The following CASP10 variants were observed in gnomAD, a reference collection of about 807,000 sequenced individuals.
The protein encoded by CASP10 is caspase-10.
A neutral mutation model predicts 48.5 loss-of-function variants in CASP10; 41 were observed. The observed-to-expected ratio is 0.85, with a 90% confidence interval of 0.66 to 1.10. The LOEUF is 1.10. Among genes scored for constraint, CASP10 ranks in the 50% least tolerant of loss-of-function variants. The pLI is 0.00. For synonymous variants in CASP10, 232 were observed against 238.4 expected (o/e 0.97, Z 0.25); for missense variants, 614 against 614.5 (o/e 1.00, Z 0.01).
chr2:201,190,651 C>A (rs1408779175), intron 3 of CASP10, among the ~76,000 whole-genome samples: 2 of 152,154 alleles, frequency 1.3e-5, no homozygotes, highest in East Asian at 3.9e-4. Context: ...TATTGTTATA[C>A]CCCGTCCTAT....
Position 201,186,048 on chromosome 2 carries a change from C to T in CASP10, c.271C>T (p.Leu91=), listed in dbSNP as rs148026756. The T allele has an allele frequency of 1.3e-5, 21 of 1,612,932 alleles. No individual in the cohort carries two copies. In the African/African-American group the frequency reaches 2.5e-4, roughly 19 times the overall value. The part of the protein sequence containing the change: ...ELLYIIRQKK[L]LQHLNCTKEE... Reference sequence around the variant, plus strand: ...CCTCTATATCATACGGCAGAAGAAGCTGCTGCAGCACCTCAACTGTACCAA... The same window carrying T: ...CCTCTATATCATACGGCAGAAGAAGTTGCTGCAGCACCTCAACTGTACCAA... The change falls in exon 2 of 10, where the codon CTG becomes TTG. Residue 91 remains leucine (L), a synonymous_variant. Transcript: ENST00000286186.
At position 201,187,942 on chromosome 2, in the gene CASP10, G is replaced by A. The variant is rs1944472480; in HGVS notation, c.441+143G>A. On this transcript the variant is annotated intron_variant, in intron 3 of 9. Transcript: ENST00000286186. ...GTTACGAACATTGGCTTTGGTGCTG[G>A]ATGAGCCTAGATTCTGGTCCTGATT... 8.5e-6 allele frequency: 6 copies of A among 707,180 alleles called. No homozygotes were observed. The Admixed American group carries it at 1.2e-4, about 15-fold the overall frequency. The allele number at this position is 707,180 out of a possible 1,614,324, so 43.8% of individuals were successfully genotyped here. A position where few individuals can be genotyped will look rare whatever the true frequency, so the allele number is the denominator to read the frequency against.
At chr2:201,204,472 T>C (rs1945133806) in intron 6 of CASP10, among the ~76,000 whole-genome samples, 1 of 152,200 alleles carries the variant, frequency 6.6e-6, no homozygotes, top group Non-Finnish European at 1.5e-5. Flanking sequence ...CAGGTCACCA[T>C]TATTAAGCAC....
In CASP10 at chr2:201,187,802, G is replaced by A. The variant is rs776272969; in HGVS notation, c.441+3G>A. ...ACTCGCTTCCCAAAACTGAAATGGT[G>A]AGTGGGTCATACAGAATGGGTCTGT... On this transcript the variant is annotated splice_donor_region_variant and intron_variant, in intron 3 of 9. Coordinates refer to ENST00000286186, the MANE Select transcript of CASP10 (RefSeq NM_032977.4). 38 of 1,607,148 alleles carry A rather than the reference G, an allele frequency of 2.4e-5. No homozygotes were observed. The highest frequency in any genetic ancestry group is 4.0e-5 in the African/African-American group (3 of 74,768).
intron 9 of CASP10, chr2:201,214,541 T>A (rs1017532819): frequency 1.3e-5 from 2 of 152,140 alleles, no homozygotes; most frequent in Admixed American, 1.3e-4. Context: ...AGTTAAAGAA[T>A]AATAGGGCAA....
chr2:201,217,554 G>GT, intron 9 of CASP10, 34 bp from the exon 10 acceptor site: 2 of 1,526,948 alleles, frequency 1.3e-6, no homozygotes, highest in Non-Finnish European at 1.8e-6. Context: ...GTGAGACTCC[G>GT]TAAAAAAAAA....
rs1380879918 is a variant in CASP10 at position 201,217,865 on chromosome 2, C to T, written c.*124C>T. 1.3e-6 allele frequency: 2 copies of T among 1,596,010 alleles called. No homozygotes were observed. Among genetic ancestry groups the T allele is most frequent in the South Asian group, 1.1e-5 (1 of 88,058 alleles). On this transcript the variant is annotated 3_prime_UTR_variant, in exon 10 of 10. Transcript: ENST00000286186. ...CTAGAAACAGGAAACACCGTGTTTT[C>T]TGACACAGTCAATTCTGATTTTCTT...
Position 201,221,435 on chromosome 2 carries a change from T to A in CASP10, c.*3694T>A. On this transcript the variant is annotated 3_prime_UTR_variant, in exon 10 of 10. Transcript: ENST00000286186. ...CCTGTTCCTGCCTTAACTGATGACA[T>A]TACCTTGTGAAATTCCTTCTCCTGG... The A allele has an allele frequency of 3.5e-6, 1 of 281,724 alleles. No homozygotes were observed. The highest frequency in any genetic ancestry group is 5.4e-6 in the Non-Finnish European group (1 of 186,722). 17.5% of individuals were successfully genotyped at this position (281,724 alleles called of 1,614,324 possible). A position where few individuals can be genotyped will look rare whatever the true frequency, so the allele number is the denominator to read the frequency against.
At chr2:201,225,773 ACCAG>A (rs1945780363), downstream of CASP10, among the ~76,000 whole-genome samples, 1 of 152,194 alleles carries the variant, frequency 6.6e-6, no homozygotes, top group Non-Finnish European at 1.5e-5. Flanking sequence ...GGAGTTCAAG[ACCAG>A]CCTGGCCAAC....
Position 201,209,401 on chromosome 2 carries a change from C to T in CASP10, c.1254C>T (p.Asn418=), listed in dbSNP as rs140190607. 32 of 1,614,078 alleles carry T rather than the reference C, an allele frequency of 2.0e-5. No homozygotes were observed. The highest frequency in any genetic ancestry group is 2.6e-5 in the Non-Finnish European group (31 of 1,179,978). Residue 418 remains asparagine (N), a synonymous_variant, in exon 9 of 10, where the codon AAC becomes AAT. Coordinates refer to ENST00000286186, the MANE Select transcript of CASP10 (RefSeq NM_032977.4). ...TATCCATCGAAGCAGATGCTCTGAA[C>T]CCTGAGCAGGCACCCACTTCCCTGC... is the stretch of plus-strand genomic sequence containing the variant. ...PSVSIEADAL[N]PEQAPTSLQD... is the part of the protein sequence containing the mutation.
intron 2 of CASP10, chr2:201,186,474 G>GC: frequency 3.2e-6 from 1 of 314,618 alleles, no homozygotes; most frequent in Non-Finnish European, 6.1e-6. Context: ...CTGTCTACCT[G>GC]TTTCCCGGGG....
chr2:201,227,107 G>A (rs770192618), intron 9 of CASP10, among the ~76,000 whole-genome samples: 40 of 152,112 alleles, frequency 2.6e-4, no homozygotes, highest in Non-Finnish European at 4.6e-4. Context: ...CATGCCAATG[G>A]GGAGGAATTA....
intron 6 of CASP10, 106 bp downstream of exon 6, chr2:201,203,872 A>C: frequency 1.1e-6 from 1 of 908,850 alleles, no homozygotes; most frequent in Non-Finnish European, 1.8e-6. Flanking sequence ...GAAGCTTTAT[A>C]AATAATGAAT....
At position 201,203,781 on chromosome 2, in the gene CASP10, T is replaced by A. The variant is rs758434157; in HGVS notation, c.721+15T>A. Reference sequence around the variant, plus strand: ...AGGTAGTAATGGTAGGTATTTCTAATGTACTTTTTACAACTTAGATCGGTA... The same window carrying A: ...AGGTAGTAATGGTAGGTATTTCTAAAGTACTTTTTACAACTTAGATCGGTA... On this transcript the variant is annotated intron_variant, in intron 6 of 9. Coordinates refer to ENST00000286186, the MANE Select transcript of CASP10 (RefSeq NM_032977.4). 1 of 1,609,238 alleles carries A rather than the reference T, an allele frequency of 6.2e-7. No individual in the cohort carries two copies. Among genetic ancestry groups the A allele is most frequent in the East Asian group, 2.2e-5 (1 of 44,850 alleles).
At chr2:201,200,744 A>C (rs1178946435) in intron 5 of CASP10, 1 of 1,218,202 alleles carries the variant, frequency 8.2e-7, no homozygotes, top group East Asian at 3.3e-5. Context: ...GCTTGCTGTG[A>C]GTTTATTCAT....
downstream of CASP10, among the ~76,000 whole-genome samples, chr2:201,225,066 T>C (rs79149234): frequency 1.2e-3 from 182 of 152,270 alleles, 2 homozygotes; most frequent in East Asian, 0.024. Context: ...ATTCCAAGCA[T>C]GTCCCTCTCT....
intron 2 of CASP10, 114 bp downstream of exon 2, chr2:201,186,238 A>G: frequency 1.3e-6 from 1 of 768,678 alleles, no homozygotes. Flanking sequence ...ACCTCCTTGG[A>G]TGATAAACCA....
intron 5 of CASP10, among the ~76,000 whole-genome samples, chr2:201,203,418 T>A (rs1460456670): frequency 6.6e-6 from 1 of 151,976 alleles, no homozygotes; most frequent in Non-Finnish European, 1.5e-5. Flanking sequence ...GTGATTCTCC[T>A]GCCTCAGCCT....
chr2:201,222,010 G>A (rs551186348), downstream of CASP10, among the ~76,000 whole-genome samples: 1 of 152,266 alleles, frequency 6.6e-6, no homozygotes, highest in South Asian at 2.1e-4. Flanking sequence ...CTGTATTTGT[G>A]TGTGCATGTC....
Sources: allele counts gnomAD v4.1 joint callset (sites outside exome capture counted in the v4.1 genomes callset), GRCh38; gene constraint gnomAD v4.1.1; transcripts MANE v1.5; gene names NCBI Gene and HGNC (gene_info 2026-07-23, HGNC 2026-07-21).